The following KIR3DL1 variants were observed in gnomAD, a reference collection of about 807,000 sequenced individuals.
The protein encoded by KIR3DL1 is killer cell immunoglobulin-like receptor 3DL1.
In KIR3DL1, 50 loss-of-function variants were observed where a neutral mutation model predicts 40.3. That is an observed-to-expected ratio of 1.24 (90% CI 0.99 to 1.57). KIR3DL1 has a LOEUF of 1.57. KIR3DL1 is among the 40% of genes most tolerant of loss of function. The pLI is 0.00. For synonymous variants in KIR3DL1, 257 were observed against 207.2 expected (o/e 1.24, Z -2.07); for missense variants, 661 against 559.9 (o/e 1.18, Z -1.82).
Position 54,830,659 on chromosome 19 carries a change from C to T in KIR3DL1, c.*384C>T, listed in dbSNP as rs2062183580. On this transcript the variant is annotated 3_prime_UTR_variant, in exon 9 of 9. Coordinates refer to ENST00000391728, the Ensembl canonical transcript of KIR3DL1. Reference sequence around the variant, plus strand: ...TTACCCACGTGCTGTTCCACCTTCCCTCATGCTGTTTCACCTTTCTTCGGA... The same window carrying T: ...TTACCCACGTGCTGTTCCACCTTCCTTCATGCTGTTTCACCTTTCTTCGGA... The T allele has an allele frequency of 2.4e-5, 6 of 253,196 alleles. 1 individual carries two copies. In the South Asian group the frequency reaches 4.3e-4, roughly 18 times the overall value. 15.7% of individuals were successfully genotyped at this position (253,196 alleles called of 1,614,324 possible). A position where few individuals can be genotyped will look rare whatever the true frequency, so the allele number is the denominator to read the frequency against.
rs369216730 is a variant in KIR3DL1, at chr19:54,818,267, G to A, written c.71-48G>A. On this transcript the variant is annotated intron_variant, in intron 2 of 8. Coordinates refer to ENST00000391728, the Ensembl canonical transcript of KIR3DL1. ...AATCTTCTGGGCACTGGGAGTGAGG[G>A]GCGGCTCCACATCCTCCTCTCTAAG... The A allele has an allele frequency of 4.5e-5, 71 of 1,562,434 alleles. 2 individuals are homozygous for A. The highest frequency in any genetic ancestry group is 2.0e-4 in the East Asian group (9 of 44,012).
Position 54,821,991 on chromosome 19 carries a change from C to T in KIR3DL1, c.949+133C>T, listed in dbSNP as rs558106174. On this transcript the variant is annotated intron_variant, in intron 5 of 8. Transcript: ENST00000391728. Reference sequence around the variant, plus strand: ...AGCAGGTGTGAGGGCGGAGTCAGGGCGCAGGATGGCAGACAGGGCACCTCC... The same window carrying T: ...AGCAGGTGTGAGGGCGGAGTCAGGGTGCAGGATGGCAGACAGGGCACCTCC... 1.7e-4 allele frequency: 189 copies of T among 1,118,136 alleles called. 2 individuals are homozygous for T. Among genetic ancestry groups the T allele is most frequent in the Admixed American group, 7.7e-4 (37 of 48,210 alleles). 69.3% of individuals were successfully genotyped at this position (1,118,136 alleles called of 1,614,324 possible). A position where few individuals can be genotyped will look rare whatever the true frequency, so the allele number is the denominator to read the frequency against.
chr19:54,818,479 A>G (rs634254), exon 3 of KIR3DL1: 374,778 of 1,608,122 alleles, frequency 0.23, 46,441 homozygotes, highest in South Asian at 0.32. Context: ...ATTCCAGGAG[A>G]GCTTCAACAT....
chr19:54,818,664 G>A (rs1394179455), intron 3 of KIR3DL1, 65 bp downstream of exon 3: 5 of 1,561,894 alleles, frequency 3.2e-6, no homozygotes, highest in African/African-American at 1.4e-5. Context: ...TTCTGGTGGG[G>A]GTGTCCGTCA....
At chr19:54,816,999 G>A (rs1242631448) in intron 1 of KIR3DL1, among the ~76,000 whole-genome samples, 1 of 145,852 alleles carries the variant, frequency 6.9e-6, no homozygotes, top group Non-Finnish European at 1.5e-5. Context: ...GGGCCCGGAG[G>A]TGGAGTTAAG....
At chr19:54,821,470 G>A (rs2061629555) in intron 4 of KIR3DL1, 95 bp from the exon 5 acceptor site, 7 of 1,382,808 alleles carry the variant, frequency 5.1e-6, no homozygotes, top group Non-Finnish European at 4.9e-6. Flanking sequence ...GAGAGCATTA[G>A]GTCATAGAGC....
chr19:54,826,796 C>T (rs1448199313), intron 6 of KIR3DL1, among the ~76,000 whole-genome samples: 1 of 150,898 alleles, frequency 6.6e-6, no homozygotes, highest in Non-Finnish European at 1.5e-5. Context: ...TGAAAACAAT[C>T]TGATGTGGAA....
At chr19:54,819,740 C>T in exon 4 of KIR3DL1, 2 of 1,609,580 alleles carry the variant, frequency 1.2e-6, no homozygotes, top group African/African-American at 1.3e-5. Flanking sequence ...TCCCTCCTGG[C>T]CCACCCAGGT....
chr19:54,823,224 A>G (rs2148133029), intron 5 of KIR3DL1, among the ~76,000 whole-genome samples: 1 of 150,730 alleles, frequency 6.6e-6, no homozygotes, highest in South Asian at 2.1e-4. Flanking sequence ...TTTAGCACAG[A>G]CGGGATATCC....
intron 2 of KIR3DL1, 97 bp downstream of exon 2, chr19:54,817,666 A>C: frequency 1.0e-6 from 1 of 976,580 alleles, no homozygotes; most frequent in Non-Finnish European, 1.5e-6. Flanking sequence ...CTCATACACT[A>C]GGAAGAGGGG....
intron 1 of KIR3DL1, 35 bp from the exon 2 acceptor site, chr19:54,817,499 G>A: frequency 6.8e-7 from 1 of 1,473,572 alleles, no homozygotes; most frequent in South Asian, 1.1e-5. Context: ...TGGTTTGCCT[G>A]CAGAGGGATG....
At chr19:54,821,003 A>AGATGATGAT (rs201015750) in intron 4 of KIR3DL1, among the ~76,000 whole-genome samples, 26,587 of 148,488 alleles carry the variant, frequency 0.18, 2,799 homozygotes, top group South Asian at 0.3. Context: ...TGATACATAG[A>AGATGATGAT]GATGACGATG....
intron 5 of KIR3DL1, 133 bp downstream of exon 5, chr19:54,821,991 C>G: frequency 8.9e-7 from 1 of 1,118,146 alleles, no homozygotes; most frequent in Non-Finnish European, 1.3e-6. Flanking sequence ...GGAGTCAGGG[C>G]GCAGGATGGC....
intron 3 of KIR3DL1, 82 bp from the exon 4 acceptor site, chr19:54,819,631 A>AC (rs2148085653): frequency 6.8e-7 from 1 of 1,473,944 alleles, no homozygotes; most frequent in East Asian, 2.4e-5. Flanking sequence ...AGACACGGGG[A>AC]GGGGAACCCT....
chr19:54,820,133 C>T, intron 4 of KIR3DL1, 121 bp downstream of exon 4: 1 of 1,063,548 alleles, frequency 9.4e-7, no homozygotes, highest in East Asian at 2.5e-5. Context: ...AAGAGAGTGA[C>T]TTGGTGAGGT....
intron 2 of KIR3DL1, 85 bp downstream of exon 2, chr19:54,817,654 C>A: frequency 9.1e-7 from 1 of 1,102,262 alleles, no homozygotes; most frequent in South Asian, 1.4e-5. Context: ...GTCGGGGAGT[C>A]TCTCATACAC....
chr19:54,829,121 T>G lies in KIR3DL1; in HGVS notation c.1001-240T>G, dbSNP rs193025955. 9.7e-5 allele frequency among the ~76,000 whole-genome samples: 14 copies of G among 144,768 alleles called. 1 individual carries two copies. The East Asian group carries it at 2.7e-3, about 27-fold the overall frequency. The allele number at this position is 144,768 out of a possible 152,430, so 95.0% of individuals were successfully genotyped here. On this transcript the variant is annotated intron_variant, in intron 6 of 8. Transcript: ENST00000391728. ...CAACCTCCCACACTGGGGGTTAAAT[T>G]TCAATGTGAGGTTTGAAGGGGTCAA...
intron 2 of KIR3DL1, among the ~76,000 whole-genome samples, chr19:54,817,861 G>T (rs1222292323): frequency 6.7e-6 from 1 of 148,510 alleles, no homozygotes; most frequent in Non-Finnish European, 1.5e-5. Flanking sequence ...GGTCCTCTGA[G>T]GACAAAGGTG....
intron 7 of KIR3DL1, 49 bp downstream of exon 7, chr19:54,829,514 G>A: frequency 5.2e-6 from 7 of 1,341,274 alleles, no homozygotes; most frequent in African/African-American, 1.5e-5. Context: ...ATGTGGGGAA[G>A]CAGGATGGGA....
Sources: allele counts gnomAD v4.1 joint callset (sites outside exome capture counted in the v4.1 genomes callset), GRCh38; gene constraint gnomAD v4.1.1; transcripts MANE v1.5; gene names NCBI Gene and HGNC (gene_info 2026-07-23, HGNC 2026-07-21).